AGBL2: variants seen among roughly 807,000 people sequenced by gnomAD.
AGBL2 encodes cytosolic carboxypeptidase 2.
In AGBL2, 87 loss-of-function variants were observed where a neutral mutation model predicts 103.0. The ratio of observed to expected loss-of-function variants is 0.84; its 90% CI spans 0.71 to 1.01. AGBL2 has a LOEUF of 1.01. Among genes scored for constraint, AGBL2 ranks in the 50% least tolerant of loss-of-function variants. The pLI, the probability that AGBL2 is intolerant of heterozygous loss-of-function variation, is 0.00. For synonymous variants in AGBL2, 335 were observed against 356.7 expected (o/e 0.94, Z 0.69); for missense variants, 904 against 1,023.5 (o/e 0.88, Z 1.59).
At chr11:47,712,970 A>C (rs1276094244) in intron 3 of AGBL2, among the ~76,000 whole-genome samples, 1 of 151,878 alleles carries the variant, frequency 6.6e-6, no homozygotes, top group Non-Finnish European at 1.5e-5. Context: ...TGACCCCGCG[A>C]GGTGGAAGTT....
intron 14 of AGBL2, among the ~76,000 whole-genome samples, chr11:47,674,125 A>G (rs2097366322): frequency 2.6e-5 from 4 of 152,118 alleles, no homozygotes; most frequent in African/African-American, 7.2e-5. Context: ...CAGATATAGT[A>G]AAGACTTAAA....
chr11:47,704,804 A>T (rs550222465), intron 6 of AGBL2, 76 bp from the exon 7 acceptor site: 15 of 1,141,770 alleles, frequency 1.3e-5, no homozygotes, highest in Middle Eastern at 2.0e-4. Context: ...TATAACAATG[A>T]AACTATTTTA....
intron 9 of AGBL2, among the ~76,000 whole-genome samples, chr11:47,691,176 A>G (rs2097443875): frequency 6.6e-6 from 1 of 151,786 alleles, no homozygotes; most frequent in East Asian, 1.9e-4. Flanking sequence ...AAGCAAGAGA[A>G]TCACTTGAAC....
intron 13 of AGBL2, among the ~76,000 whole-genome samples, chr11:47,679,337 G>A (rs1006768051): frequency 1.5e-4 from 22 of 151,672 alleles, no homozygotes; most frequent in Non-Finnish European, 2.5e-4. Flanking sequence ...GCTGCAATGA[G>A]CCGTGATCAC....
intron 17 of AGBL2, chr11:47,666,691 A>AT: frequency 1.7e-6 from 1 of 597,722 alleles, no homozygotes. Flanking sequence ...GAGTAGAGGG[A>AT]TGAATGGATG....
intron 17 of AGBL2, among the ~76,000 whole-genome samples, chr11:47,663,582 G>GT (rs2153802529): frequency 6.6e-6 from 1 of 150,516 alleles, no homozygotes; most frequent in East Asian, 1.9e-4. Flanking sequence ...TTAAGACGGA[G>GT]TTTCACTCTT....
intron 8 of AGBL2, among the ~76,000 whole-genome samples, chr11:47,698,683 T>C (rs1409288925): frequency 6.6e-6 from 1 of 152,228 alleles, no homozygotes; most frequent in Non-Finnish European, 1.5e-5. Context: ...GTTATGGTTT[T>C]ATTTTCACTA....
intron 15 of AGBL2, among the ~76,000 whole-genome samples, chr11:47,668,177 C>T (rs2097346724): frequency 7.1e-6 from 1 of 139,924 alleles, no homozygotes; most frequent in Non-Finnish European, 1.5e-5. Flanking sequence ...CCCCTGAACT[C>T]CAGCCTAGGC....
chr11:47,708,504 GA>G lies in AGBL2; in HGVS notation c.232+1872del, dbSNP rs529050132. On this transcript the variant is annotated intron_variant, in intron 4 of 18. Coordinates refer to ENST00000525123, the MANE Select transcript of AGBL2 (RefSeq NM_024783.4). ...TTATCAATGGTATTTTTTCCAAAGA[GA>G]AGTTTAAATTTTTCCTTTAAAAATT... is the stretch of plus-strand genomic sequence containing the variant. 1.6e-3 allele frequency among the ~76,000 whole-genome samples: 245 copies of G among 150,736 alleles called. 1 individual carries two copies. Among genetic ancestry groups the G allele is most frequent in the African/African-American group, 5.7e-3 (234 of 41,088 alleles).
chr11:47,701,035 G>A (rs968384238), intron 7 of AGBL2, among the ~76,000 whole-genome samples: 11 of 150,938 alleles, frequency 7.3e-5, no homozygotes, highest in African/African-American at 2.0e-4. Context: ...CAGCCTGGGC[G>A]ACAGAGTGAG....
chr11:47,695,849 C>T (rs542971491), intron 8 of AGBL2, among the ~76,000 whole-genome samples: 65 of 151,202 alleles, frequency 4.3e-4, no homozygotes, highest in African/African-American at 1.5e-3. Context: ...GGTATTATTT[C>T]ATCTTTAAAT....
At chr11:47,696,037 G>GAAAAAAGA (rs2097471059) in intron 8 of AGBL2, among the ~76,000 whole-genome samples, 1 of 88,906 alleles carries the variant, frequency 1.1e-5, no homozygotes, top group African/African-American at 4.6e-5. Context: ...AAAAAAAAAA[G>GAAAAAAGA]AAAAAAAAAA....
At chr11:47,694,418 C>T (rs2097459355) in intron 8 of AGBL2, among the ~76,000 whole-genome samples, 2 of 151,982 alleles carry the variant, frequency 1.3e-5, no homozygotes, top group African/African-American at 4.8e-5. Context: ...TGGGTCCAGC[C>T]CTAGCCATGT....
chr11:47,697,112 A>T (rs1335559938), intron 8 of AGBL2, among the ~76,000 whole-genome samples: 1 of 151,992 alleles, frequency 6.6e-6, no homozygotes, highest in Non-Finnish European at 1.5e-5. Flanking sequence ...TATTTTTAGT[A>T]GAAACAGGGT....
In AGBL2 at chr11:47,690,172, C is replaced by A. The variant is rs550419569; in HGVS notation, c.1535G>T (p.Arg512Leu). ...NPDGVIVGNY[R>L]CSLAGRDLNR... ...CAAATCCCTTCCGGCCAAGGAACAC[C>A]GATAATTCCCCACAATCACACCATC... Residue 512 changes from arginine to leucine, a missense_variant, in exon 10 of 19, where the codon CGG becomes CTG. Arg to Leu is a moderately radical substitution (Grantham distance 102). Coordinates refer to ENST00000525123, the MANE Select transcript of AGBL2 (RefSeq NM_024783.4). The A allele has an allele frequency of 6.8e-6, 11 of 1,614,108 alleles. No homozygotes were observed. In the Admixed American group the frequency reaches 1.0e-4, roughly 15 times the overall value.
chr11:47,698,168 A>ATTTTTTTTTT (rs35161992), intron 8 of AGBL2, among the ~76,000 whole-genome samples: 6 of 79,814 alleles, frequency 7.5e-5, no homozygotes, highest in Non-Finnish European at 1.4e-4. Context: ...AGTCTACATA[A>ATTTTTTTTTT]TTTTTTTTTT....
chr11:47,682,167 A>G, intron 11 of AGBL2, 72 bp from the exon 12 acceptor site: 1 of 1,427,732 alleles, frequency 7.0e-7, no homozygotes, highest in Non-Finnish European at 9.7e-7. Flanking sequence ...CATTAATATG[A>G]TACAAGAATA....
At chr11:47,700,543 C>T (rs1386677116) in intron 7 of AGBL2, among the ~76,000 whole-genome samples, 2 of 152,064 alleles carry the variant, frequency 1.3e-5, no homozygotes, top group African/African-American at 4.8e-5. Flanking sequence ...CACGCCACTG[C>T]GTGCCAGCCT....
rs1475665672 is a variant in AGBL2, at chr11:47,704,651, G to C, written c.478C>G (p.Leu160Val). The C allele has an allele frequency of 3.7e-6, 6 of 1,613,952 alleles. No individual in the cohort carries two copies. Among genetic ancestry groups the C allele is most frequent in the South Asian group, 1.1e-5 (1 of 91,082 alleles). ...YDELDEVNPR[L>V]REPQELFSIL... ...GAAAAGAGCTCTTGGGGTTCTCGAA[G>C]ACGTGGGTTTACTTCATCCAACTCA... Residue 160 changes from leucine (L) to valine (V), a missense_variant, in exon 7 of 19, where the codon CTT (leucine) becomes GTT (valine). Leu to Val is a conservative substitution (Grantham distance 32). Transcript: ENST00000525123.
Sources: gnomAD v4.1 joint callset for allele counts (sites outside exome capture counted in the v4.1 genomes callset) on GRCh38, gnomAD v4.1.1 for gene constraint, MANE v1.5 for transcripts, NCBI Gene and HGNC (gene_info 2026-07-23, HGNC 2026-07-21) for gene names.